Variants in MTOR observed in about 807,000 individuals in gnomAD.
The protein encoded by MTOR is serine/threonine-protein kinase mTOR.
Under a neutral mutation model 319.8 loss-of-function variants are expected in MTOR, and 70 were observed. The observed-to-expected ratio is 0.22, with a 90% CI of 0.18 to 0.27. MTOR has a LOEUF of 0.27. Among genes scored for constraint, MTOR ranks in the 10% least tolerant of loss-of-function variants. The pLI, the probability that MTOR is intolerant of heterozygous loss-of-function variation, is 1.00. For synonymous variants in MTOR, 1,183 were observed against 1,211.4 expected, an observed-to-expected ratio of 0.98 and a Z score of 0.49; for missense variants, 1,890 against 3,274.4, an observed-to-expected ratio of 0.58 and a Z score of 10.32.
At chr1:11,225,894 T>TA (rs1230317994) in intron 19 of MTOR, among the ~76,000 whole-genome samples, 3 of 151,890 alleles carry the variant, frequency 2.0e-5, no homozygotes, top group Non-Finnish European at 2.9e-5. Flanking sequence ...AACAGCTTCC[T>TA]AAAAAAAAGT....
At chr1:11,182,087 C>A (rs2100670007) in intron 28 of MTOR, among the ~76,000 whole-genome samples, 1 of 152,132 alleles carries the variant, frequency 6.6e-6, no homozygotes, top group Non-Finnish European at 1.5e-5. Flanking sequence ...CATGGCAGTG[C>A]ATGACTGTAA....
At chr1:11,238,659 C>CTG in intron 11 of MTOR, 42 bp from the exon 12 acceptor site, 1 of 1,536,188 alleles carries the variant, frequency 6.5e-7, no homozygotes, top group South Asian at 1.2e-5. Context: ...AACACTGCTG[C>CTG]TGTAGACAGG....
chr1:11,206,580 T>C (rs1646145295), intron 25 of MTOR, among the ~76,000 whole-genome samples: 1 of 152,226 alleles, frequency 6.6e-6, no homozygotes, highest in South Asian at 2.1e-4. Context: ...TCAATAAATG[T>C]CAGTTGTTAC....
intron 29 of MTOR, among the ~76,000 whole-genome samples, chr1:11,157,629 A>G (rs1644358025): frequency 6.6e-6 from 1 of 152,156 alleles, no homozygotes; most frequent in Non-Finnish European, 1.5e-5. Flanking sequence ...GAAATCATTT[A>G]GGGATAGAAG....
At chr1:11,122,213 T>C in intron 47 of MTOR, 87 bp from the exon 48 acceptor site, 1 of 1,517,292 alleles carries the variant, frequency 6.6e-7, no homozygotes, top group South Asian at 1.3e-5. Flanking sequence ...TGTTTTTTTT[T>C]TCTTTTTTGA....
intron 31 of MTOR, among the ~76,000 whole-genome samples, chr1:11,147,972 T>C (rs1469442255): frequency 1.3e-5 from 2 of 152,286 alleles, no homozygotes; most frequent in South Asian, 4.1e-4. Flanking sequence ...AGACAATAAA[T>C]GGTGAAAATG....
chr1:11,130,020 T>C (rs1257664364), intron 39 of MTOR, among the ~76,000 whole-genome samples, 182 bp from the exon 40 acceptor site: 6 of 152,236 alleles, frequency 3.9e-5, no homozygotes, highest in Non-Finnish European at 4.4e-5. Context: ...ATGGCAACTG[T>C]ATCATAACTG....
chr1:11,129,386 G>T lies in MTOR; in HGVS notation c.5714+352C>A, dbSNP rs531768020. ...TTAACTGATTTGAGTCATTTGTTTA[G>T]ACCTCTCCAAGTTGCTGAGGGATTT... On this transcript the variant is annotated intron_variant, in intron 40 of 57. Coordinates refer to ENST00000361445, the MANE Select transcript of MTOR (RefSeq NM_004958.4). This position sits in a 1 kb window ranked among gnomAD's most constrained non-coding sequence, Gnocchi z 4.7. Among the ~76,000 whole-genome samples, 1 of 152,324 alleles carries T rather than the reference G, an allele frequency of 6.6e-6. No homozygotes were observed. The highest frequency in any genetic ancestry group is 2.4e-5 in the African/African-American group (1 of 41,576).
intron 3 of MTOR, 22 bp from the exon 4 acceptor site, chr1:11,257,187 A>G (rs1188376713): frequency 4.4e-6 from 7 of 1,595,676 alleles, no homozygotes; most frequent in Non-Finnish European, 6.0e-6. Context: ...AGGAAGGCAA[A>G]AGGTGATGAT....
At chr1:11,155,505 A>C (rs1164411291) in intron 30 of MTOR, among the ~76,000 whole-genome samples, 2 of 152,140 alleles carry the variant, frequency 1.3e-5, no homozygotes, top group Non-Finnish European at 2.9e-5. Flanking sequence ...CCCCTGAAGG[A>C]GGTCATAAGG....
At chr1:11,158,226 A>G (rs1280466552) in intron 29 of MTOR, among the ~76,000 whole-genome samples, 1 of 152,154 alleles carries the variant, frequency 6.6e-6, no homozygotes, top group African/African-American at 2.4e-5. Context: ...GGATTTCTTT[A>G]ACAACAATAT....
chr1:11,218,518 A>G (rs1646552840), intron 19 of MTOR, among the ~76,000 whole-genome samples: 2 of 152,234 alleles, frequency 1.3e-5, no homozygotes. Context: ...GCAAAGCCTG[A>G]AAGAAAGTAG....
chr1:11,204,742 C>T (rs1197277389), intron 25 of MTOR, 39 bp from the exon 26 acceptor site: 2 of 1,593,286 alleles, frequency 1.3e-6, no homozygotes, highest in African/African-American at 1.3e-5. Context: ...CAATCAGTTT[C>T]AAGGGCCAAT....
chr1:11,117,239 C>T (rs1642211414), intron 49 of MTOR, among the ~76,000 whole-genome samples, 153 bp from the exon 50 acceptor site: 2 of 152,224 alleles, frequency 1.3e-5, no homozygotes, highest in South Asian at 4.1e-4. Flanking sequence ...TGGCTCACTG[C>T]AGCCTCCACC....
intron 19 of MTOR, among the ~76,000 whole-genome samples, chr1:11,221,728 C>CAT (rs943282681): frequency 6.8e-6 from 1 of 147,688 alleles, no homozygotes; most frequent in African/African-American, 2.5e-5. Flanking sequence ...TGTATATATA[C>CAT]ATATATATAT....
chr1:11,150,239 A>T lies in MTOR; in HGVS notation c.4470-13T>A. The T allele has an allele frequency of 6.2e-7, 1 of 1,607,746 alleles. No individual in the cohort carries two copies. Among genetic ancestry groups the T allele is most frequent in the Non-Finnish European group, 8.5e-7 (1 of 1,175,652 alleles). On this transcript the variant is annotated splice_polypyrimidine_tract_variant and intron_variant, in intron 30 of 57. Transcript: ENST00000361445. ...GTGGAGTTGACCCCTGAAGAAAATG[A>T]ATTATATAGTCAGATTAATCCAAAT... is the stretch of plus-strand genomic sequence containing the variant.
At chr1:11,253,366 T>C (rs1295802508) in intron 6 of MTOR, among the ~76,000 whole-genome samples, 5 of 152,214 alleles carry the variant, frequency 3.3e-5, no homozygotes, top group Admixed American at 3.3e-4. Flanking sequence ...ATTATTCGCC[T>C]GTGTGCATAC....
Position 11,237,948 on chromosome 1 carries a change from A to C in MTOR, c.2103T>G (p.Asn701Lys). 1 of 1,614,222 alleles carries C rather than the reference A, an allele frequency of 6.2e-7. No individual in the cohort carries two copies. The highest frequency in any genetic ancestry group is 8.5e-7 in the Non-Finnish European group (1 of 1,180,038). ...GCTCCCGGATCTCAAACACCTGGTCATTCAGAGCCACAAACAAGGCCTGCA... is the reference window on the plus strand; with the variant it reads ...GCTCCCGGATCTCAAACACCTGGTCCTTCAGAGCCACAAACAAGGCCTGCA... Reference protein sequence around the residue: ...ENLQALFVALNDQVFEIRELA... With the variant: ...ENLQALFVALKDQVFEIRELA... The change falls in exon 13 of 58, where the codon AAT becomes AAG. Residue 701 changes from asparagine (N) to lysine (K), a missense_variant. Asn to Lys is a moderately conservative substitution (Grantham distance 94). Around this residue, in one of 15 missense-constraint regions of MTOR, gnomAD observed 377 missense variants for 653.9 expected, o/e 0.58. Coordinates refer to ENST00000361445, the MANE Select transcript of MTOR (RefSeq NM_004958.4).
rs1310288628 is a variant in MTOR at position 11,126,938 on chromosome 1, G to C, written c.6351+72C>G. ...ACCAGATGCTTTGGAATGAGTGTTA[G>C]AACATTCATAGACAGTAAAACAGAA... On this transcript the variant is annotated intron_variant, in intron 45 of 57. Coordinates refer to ENST00000361445, the MANE Select transcript of MTOR (RefSeq NM_004958.4). 3.1e-6 allele frequency: 5 copies of C among 1,587,668 alleles called. No homozygotes were observed. The African/African-American group carries it at 5.4e-5, about 17-fold the overall frequency.
Sources: gnomAD v4.1 joint callset for allele counts (sites outside exome capture counted in the v4.1 genomes callset) on GRCh38, gnomAD v4.1.1 for gene constraint, gnomAD v4.1.1 regional missense constraint, Gnocchi (gnomAD v3.1) non-coding constraint, MANE v1.5 for transcripts, NCBI Gene and HGNC (gene_info 2026-07-23, HGNC 2026-07-21) for gene names.